Variants in TYW1B observed in about 807,000 individuals in gnomAD.
The protein encoded by TYW1B is tRNA-yW synthesizing protein 1 homolog B.
In TYW1B, 73 loss-of-function variants were observed where a neutral mutation model predicts 86.9. That is an observed-to-expected ratio of 0.84 (90% CI 0.70 to 1.02). The LOEUF (loss-of-function observed/expected upper bound fraction) is 1.02. Among genes scored for constraint, TYW1B ranks in the 50% least tolerant of loss-of-function variants. The pLI, the probability that TYW1B is intolerant of heterozygous loss-of-function variation, is 0.00. For synonymous variants in TYW1B, 248 were observed against 292.8 expected (o/e 0.85, Z 1.56); for missense variants, 637 against 827.4 (o/e 0.77, Z 2.82).
chr7:72,649,685 G>A (rs1399534501), intron 11 of TYW1B, among the ~76,000 whole-genome samples: 7 of 152,066 alleles, frequency 4.6e-5, no homozygotes, highest in Admixed American at 1.3e-4. Flanking sequence ...TTCACAAAAC[G>A]ACTGAGACAA....
At chr7:72,654,272 C>A (rs1813145970) in intron 11 of TYW1B, among the ~76,000 whole-genome samples, 1 of 152,066 alleles carries the variant, frequency 6.6e-6, no homozygotes, top group South Asian at 2.1e-4. Context: ...AAAGAATGAG[C>A]CTTAATATAT....
At chr7:72,716,468 A>T (rs1554456062) in intron 9 of TYW1B, among the ~76,000 whole-genome samples, 1 of 152,214 alleles carries the variant, frequency 6.6e-6, no homozygotes, top group African/African-American at 2.4e-5. Context: ...TGGGCGAAAT[A>T]AAGTTAAATT....
intron 11 of TYW1B, among the ~76,000 whole-genome samples, chr7:72,658,991 G>T (rs1331044231): frequency 2.6e-5 from 4 of 152,100 alleles, no homozygotes; most frequent in Non-Finnish European, 5.9e-5. Flanking sequence ...AAAGTGCCGG[G>T]ATTACAGGCA....
At chr7:72,579,652 T>C (rs1301994135) in intron 13 of TYW1B, among the ~76,000 whole-genome samples, 1 of 152,140 alleles carries the variant, frequency 6.6e-6, no homozygotes, top group East Asian at 1.9e-4. Context: ...ATGTCTCTTC[T>C]TCTTCCTTTT....
At chr7:72,776,920 G>C (rs1164406648) in intron 7 of TYW1B, among the ~76,000 whole-genome samples, 5 of 151,992 alleles carry the variant, frequency 3.3e-5, no homozygotes, top group South Asian at 2.1e-4. Context: ...CACGTAAAAG[G>C]CCTCTCATAA....
At chr7:72,671,480 G>A (rs1232603533) in intron 11 of TYW1B, among the ~76,000 whole-genome samples, 1 of 152,072 alleles carries the variant, frequency 6.6e-6, no homozygotes, top group African/African-American at 2.4e-5. Context: ...ATGTCTCAGG[G>A]TAAATTACTA....
intron 10 of TYW1B, among the ~76,000 whole-genome samples, chr7:72,711,473 CTTTTTTTTTTTTTT>C (rs59438928): frequency 1.1e-4 from 6 of 56,948 alleles, no homozygotes; most frequent in Admixed American, 6.1e-4. Context: ...CTCTTTAATT[CTTTTTTTTTTTTTT>C]TTTTTTTTTT....
intron 13 of TYW1B, among the ~76,000 whole-genome samples, chr7:72,600,707 T>C (rs1811644003): frequency 6.6e-6 from 1 of 151,966 alleles, no homozygotes. Flanking sequence ...CTGTCTCAAC[T>C]AAAAATAAGC....
chr7:72,576,804 A>G (rs1554428701), intron 13 of TYW1B, among the ~76,000 whole-genome samples: 1 of 149,498 alleles, frequency 6.7e-6, no homozygotes, highest in Admixed American at 6.7e-5. Flanking sequence ...GAGCCACCAC[A>G]CCCGGCCCAT....
At chr7:72,764,229 GA>G (rs1488812879) in intron 7 of TYW1B, among the ~76,000 whole-genome samples, 1 of 152,118 alleles carries the variant, frequency 6.6e-6, no homozygotes, top group African/African-American at 2.4e-5. Context: ...ATTATTCTCT[GA>G]AAACAACTGC....
At chr7:72,639,530 T>G (rs573829612) in intron 11 of TYW1B, among the ~76,000 whole-genome samples, 1 of 151,544 alleles carries the variant, frequency 6.6e-6, no homozygotes, top group Non-Finnish European at 1.5e-5. Context: ...AAGAGAAAAT[T>G]TGTGGTTAAA....
intron 11 of TYW1B, among the ~76,000 whole-genome samples, chr7:72,651,563 C>T (rs1419069099): frequency 6.6e-6 from 1 of 151,978 alleles, no homozygotes; most frequent in Admixed American, 6.6e-5. Flanking sequence ...GGCAGTGAGC[C>T]GAAATCGCAT....
intron 11 of TYW1B, among the ~76,000 whole-genome samples, chr7:72,692,833 G>C (rs549839845): frequency 1.1e-3 from 162 of 152,278 alleles, no homozygotes; most frequent in African/African-American, 3.8e-3. Flanking sequence ...TCAGAAGGGA[G>C]AAGATGGTGG....
chr7:72,645,292 T>C (rs1359814864), intron 11 of TYW1B, among the ~76,000 whole-genome samples: 3 of 152,186 alleles, frequency 2.0e-5, no homozygotes, highest in African/African-American at 7.2e-5. Flanking sequence ...TTAAAAATCC[T>C]ATAAACCAAT....
intron 11 of TYW1B, among the ~76,000 whole-genome samples, chr7:72,640,507 T>C (rs1191064439): frequency 1.3e-5 from 2 of 151,678 alleles, no homozygotes; most frequent in Non-Finnish European, 2.9e-5. Context: ...AGTTGTACTA[T>C]GCAAGCACTG....
At chr7:72,702,104 C>A (rs1431779933) in intron 10 of TYW1B, among the ~76,000 whole-genome samples, 5 of 152,190 alleles carry the variant, frequency 3.3e-5, no homozygotes, top group Non-Finnish European at 7.3e-5. Context: ...TGGTGAGCTT[C>A]TTGTTTGCCC....
chr7:72,592,168 A>G (rs1398038319), intron 13 of TYW1B, among the ~76,000 whole-genome samples: 28 of 123,164 alleles, frequency 2.3e-4, no homozygotes, highest in African/African-American at 8.0e-4. Flanking sequence ...GTTAAAAAAA[A>G]AAAAAAAAAA....
intron 11 of TYW1B, among the ~76,000 whole-genome samples, chr7:72,693,407 A>AT (rs1491308957): frequency 3.4e-5 from 4 of 117,100 alleles, no homozygotes; most frequent in South Asian, 2.9e-4. Flanking sequence ...ATTTGCAGAC[A>AT]TCTTTTTTTT....
intron 6 of TYW1B, among the ~76,000 whole-genome samples, chr7:72,798,035 ACACG>A (rs1388547295): frequency 1.0e-3 from 86 of 83,358 alleles, no homozygotes; most frequent in Middle Eastern, 7.5e-3. Flanking sequence ...ACACACACAC[ACACG>A]CACACACATA....
Sources: gnomAD v4.1 joint callset for allele counts (sites outside exome capture counted in the v4.1 genomes callset) on GRCh38, gnomAD v4.1.1 for gene constraint, MANE v1.5 for transcripts, NCBI Gene and HGNC (gene_info 2026-07-23, HGNC 2026-07-21) for gene names.